CAMK1D: variants seen among roughly 807,000 people sequenced by gnomAD.
The protein encoded by CAMK1D is calcium/calmodulin dependent protein kinase ID, also known as calcium/calmodulin-dependent protein kinase type 1D.
A neutral mutation model predicts 47.7 loss-of-function variants in CAMK1D; 9 were observed. The observed-to-expected ratio is 0.19, with a 90% confidence interval of 0.11 to 0.33. The LOEUF (loss-of-function observed/expected upper bound fraction) is 0.33, where lower values mean the gene tolerates loss of function less well. CAMK1D is among the 10% of genes least tolerant of loss of function. The pLI, the probability that CAMK1D is intolerant of heterozygous loss-of-function variation, is 1.00. For missense variants in CAMK1D, 291 were observed against 488.7 expected (o/e 0.60, Z 3.81); for synonymous variants, 184 against 184.9 (o/e 0.99, Z 0.04).
chr10:12,712,626 C>T (rs1028540695), intron 3 of CAMK1D, among the ~76,000 whole-genome samples: 3 of 152,150 alleles, frequency 2.0e-5, no homozygotes, highest in South Asian at 2.1e-4. Flanking sequence ...GGACACTAAT[C>T]GCATCCTGGG....
chr10:12,691,229 C>A (rs1278563459), intron 3 of CAMK1D, among the ~76,000 whole-genome samples: 1 of 151,368 alleles, frequency 6.6e-6, no homozygotes, highest in East Asian at 1.9e-4. Flanking sequence ...TGGACTGCTG[C>A]ATGAAATAGT....
intron 1 of CAMK1D, among the ~76,000 whole-genome samples, chr10:12,369,279 AG>A (rs1837939996): frequency 6.6e-6 from 1 of 152,216 alleles, no homozygotes; most frequent in Non-Finnish European, 1.5e-5. Flanking sequence ...TGAATGACAT[AG>A]TTAGGATTTG....
At chr10:12,453,173 T>A (rs1000068768) in intron 1 of CAMK1D, among the ~76,000 whole-genome samples, 1 of 144,312 alleles carries the variant, frequency 6.9e-6, no homozygotes, top group Non-Finnish European at 1.5e-5. Context: ...TGGGTCAGAC[T>A]TTTCTTCTTT....
intron 3 of CAMK1D, among the ~76,000 whole-genome samples, chr10:12,730,773 C>T (rs1372993475): frequency 6.6e-6 from 1 of 152,124 alleles, no homozygotes; most frequent in Non-Finnish European, 1.5e-5. Context: ...CTCCAGGGTC[C>T]AGCCCCACTG....
intron 1 of CAMK1D, among the ~76,000 whole-genome samples, chr10:12,504,135 G>C (rs1375940083): frequency 3.4e-5 from 5 of 145,772 alleles, no homozygotes; most frequent in South Asian, 2.2e-4. Context: ...GTGTCTGTGT[G>C]TGTGTGTGTG....
chr10:12,441,406 A>G (rs772443040), intron 1 of CAMK1D, among the ~76,000 whole-genome samples: 54 of 151,982 alleles, frequency 3.6e-4, no homozygotes, highest in Admixed American at 5.2e-4. Flanking sequence ...CATCTTGCCC[A>G]GGCTGGTCTT....
chr10:12,744,812 G>A (rs1835590813), intron 3 of CAMK1D, among the ~76,000 whole-genome samples: 1 of 152,000 alleles, frequency 6.6e-6, no homozygotes, highest in Non-Finnish European at 1.5e-5. Context: ...AAGGGAGAAG[G>A]ATCGCTTGAA....
rs141999810 is a variant in CAMK1D, at chr10:12,353,684, C to A, written c.92+3774C>A. Among the ~76,000 whole-genome samples, 235 of 152,238 alleles carry A rather than the reference C, an allele frequency of 1.5e-3. 2 individuals carry two copies. Among genetic ancestry groups the A allele is most frequent in the African/African-American group, 5.4e-3 (223 of 41,540 alleles). ...CAGGTCTCAGGGACAAACCTTTCAA[C>A]CTGTGCGCTTCAGTGCAGCCTCCTA... is the stretch of plus-strand genomic sequence containing the variant. On this transcript the variant is annotated intron_variant, in intron 1 of 10. Coordinates refer to ENST00000619168, the MANE Select transcript of CAMK1D (RefSeq NM_153498.4).
At chr10:12,514,418 G>T (rs953453989) in intron 1 of CAMK1D, among the ~76,000 whole-genome samples, 2 of 152,212 alleles carry the variant, frequency 1.3e-5, no homozygotes, top group Non-Finnish European at 1.5e-5. Context: ...ATGATGAAAA[G>T]AATAATGTCC....
At chr10:12,709,216 T>C (rs1833842789) in intron 3 of CAMK1D, among the ~76,000 whole-genome samples, 1 of 151,982 alleles carries the variant, frequency 6.6e-6, no homozygotes, top group South Asian at 2.1e-4. Flanking sequence ...AATGGAAAAT[T>C]AGAAAAAAAC....
chr10:12,462,216 A>G (rs1241165328), intron 1 of CAMK1D, among the ~76,000 whole-genome samples: 2 of 117,250 alleles, frequency 1.7e-5, no homozygotes, highest in African/African-American at 6.7e-5. Flanking sequence ...GCCAGGCTGG[A>G]GTGCGGTGGC....
intron 1 of CAMK1D, among the ~76,000 whole-genome samples, chr10:12,529,906 C>G (rs956085491): frequency 6.6e-6 from 1 of 152,130 alleles, no homozygotes; most frequent in African/African-American, 2.4e-5. Flanking sequence ...CCATATTACA[C>G]TGAGATGAAT....
intron 5 of CAMK1D, among the ~76,000 whole-genome samples, chr10:12,773,198 T>C (rs2130941413): frequency 6.6e-6 from 1 of 152,338 alleles, no homozygotes. Flanking sequence ...AACACACAGA[T>C]CATGAATCTT....
intron 2 of CAMK1D, among the ~76,000 whole-genome samples, chr10:12,628,394 T>C (rs1839285927): frequency 6.6e-6 from 1 of 152,202 alleles, no homozygotes; most frequent in South Asian, 2.1e-4. Context: ...CATGGCTCAC[T>C]GTGTGTGTGT....
intron 1 of CAMK1D, among the ~76,000 whole-genome samples, chr10:12,426,507 A>C (rs963427211): frequency 6.6e-6 from 1 of 152,116 alleles, no homozygotes; most frequent in Non-Finnish European, 1.5e-5. Flanking sequence ...AGCCTCCCAA[A>C]GTGCTGGGAT....
intron 2 of CAMK1D, among the ~76,000 whole-genome samples, chr10:12,662,283 A>G (rs1382581286): frequency 1.3e-5 from 2 of 152,262 alleles, no homozygotes; most frequent in African/African-American, 2.4e-5. Flanking sequence ...GAAACGCTGC[A>G]TGGAATCCAG....
At chr10:12,389,285 G>T (rs1838635582) in intron 1 of CAMK1D, among the ~76,000 whole-genome samples, 1 of 152,130 alleles carries the variant, frequency 6.6e-6, no homozygotes, top group African/African-American at 2.4e-5. Context: ...CCAGCCCCGG[G>T]TCTGTGCCTA....
chr10:12,637,268 C>T (rs749904506), intron 2 of CAMK1D, among the ~76,000 whole-genome samples: 8 of 152,114 alleles, frequency 5.3e-5, no homozygotes, highest in Admixed American at 1.3e-4. Context: ...CACTGCGCCA[C>T]GTCCATACTT....
intron 3 of CAMK1D, among the ~76,000 whole-genome samples, chr10:12,742,292 G>GC (rs1479237758): frequency 6.6e-6 from 1 of 152,086 alleles, no homozygotes; most frequent in Non-Finnish European, 1.5e-5. Flanking sequence ...GTGCCACCAC[G>GC]CCCAGCTAAC....
Sources: allele counts gnomAD v4.1 joint callset (sites outside exome capture counted in the v4.1 genomes callset), GRCh38; gene constraint gnomAD v4.1.1; transcripts MANE v1.5; gene names NCBI Gene and HGNC (gene_info 2026-07-23, HGNC 2026-07-21).